MSRA: variants seen among roughly 807,000 people sequenced by gnomAD.
MSRA encodes the protein mitochondrial peptide methionine sulfoxide reductase.
In MSRA, 54 loss-of-function variants were observed where a neutral mutation model predicts 31.3. The observed-to-expected ratio is 1.73, with a 90% CI of 1.39 to 2.17. MSRA has a LOEUF of 2.17. Among genes scored for constraint, MSRA ranks in the 30% most tolerant of loss-of-function variants. The pLI is 0.00. For synonymous variants in MSRA, 169 were observed against 116.5 expected, an observed-to-expected ratio of 1.45 and a Z score of -2.90; for missense variants, 507 against 300.9, an observed-to-expected ratio of 1.69 and a Z score of -5.07.
intron 5 of MSRA, among the ~76,000 whole-genome samples, chr8:10,392,282 A>C (rs1806793994): frequency 1.3e-5 from 2 of 152,208 alleles, no homozygotes; most frequent in African/African-American, 2.4e-5. Context: ...GGCTTCCTTA[A>C]ACATTGAGCA....
chr8:10,158,178 A>T (rs1293680415), intron 1 of MSRA, among the ~76,000 whole-genome samples: 1 of 152,152 alleles, frequency 6.6e-6, no homozygotes, highest in Non-Finnish European at 1.5e-5. Flanking sequence ...AATAACCCCC[A>T]AGGCTCCACC....
intron 5 of MSRA, chr8:10,320,222 A>G (rs1339204556): frequency 6.2e-6 from 2 of 323,880 alleles, no homozygotes; most frequent in Non-Finnish European, 1.1e-5. Context: ...TAATCCCAGT[A>G]CTTTGGGGGG....
chr8:10,218,364 C>G lies in MSRA; in HGVS notation c.211+10463C>G, dbSNP rs1426543305. ...TTTCACCATGTTGCCAGGCTGGTGT[C>G]TAACTCCTGAACTCAGGCGATCCAC... On this transcript the variant is annotated intron_variant, in intron 2 of 5. Transcript: ENST00000317173. Among the ~76,000 whole-genome samples the G allele has an allele frequency of 2.6e-5, 4 of 151,960 alleles. No homozygotes were observed. In the East Asian group the frequency reaches 5.8e-4, roughly 22 times the overall value.
At chr8:10,164,562 A>G (rs1044310000) in intron 1 of MSRA, among the ~76,000 whole-genome samples, 1 of 152,246 alleles carries the variant, frequency 6.6e-6, no homozygotes, top group African/African-American at 2.4e-5. Flanking sequence ...AATGTCACAG[A>G]GAATGGGAAA....
In MSRA at chr8:10,162,056, A is replaced by G. The variant is rs77122534; in HGVS notation, c.143-45777A>G. Among the ~76,000 whole-genome samples the G allele has an allele frequency of 2.3e-3, 345 of 152,256 alleles. 2 individuals are homozygous for G. Among genetic ancestry groups the G allele is most frequent in the African/African-American group, 7.8e-3 (325 of 41,558 alleles). On this transcript the variant is annotated intron_variant, in intron 1 of 5. Coordinates refer to ENST00000317173, the MANE Select transcript of MSRA (RefSeq NM_012331.5). ...TCATGTCCTAGATTCTGTGAGACAC[A>G]GCCCGTGACACTTTGAAGCAGGGCC... is the stretch of plus-strand genomic sequence containing the variant.
chr8:10,330,275 C>A (rs1378561018), intron 5 of MSRA, among the ~76,000 whole-genome samples: 1 of 151,760 alleles, frequency 6.6e-6, no homozygotes, highest in Non-Finnish European at 1.5e-5. Flanking sequence ...GAAGCTGAGC[C>A]CCTTCAGTTT....
At chr8:10,069,021 G>A (rs968046388) in intron 1 of MSRA, among the ~76,000 whole-genome samples, 1 of 152,086 alleles carries the variant, frequency 6.6e-6, no homozygotes, top group Non-Finnish European at 1.5e-5. Flanking sequence ...AATATTTCGT[G>A]TTTTTTTGAT....
At chr8:10,364,202 A>C (rs1422559306) in intron 5 of MSRA, among the ~76,000 whole-genome samples, 1 of 152,042 alleles carries the variant, frequency 6.6e-6, no homozygotes, top group Non-Finnish European at 1.5e-5. Flanking sequence ...TAGTAACTGA[A>C]TTGTCCCTGC....
At chr8:10,118,428 T>C (rs1166948248) in intron 1 of MSRA, among the ~76,000 whole-genome samples, 1 of 152,148 alleles carries the variant, frequency 6.6e-6, no homozygotes, top group East Asian at 1.9e-4. Flanking sequence ...TCTGTACCTC[T>C]GTATCTGCTT....
chr8:10,113,292 C>CTTTTT (rs10665004), intron 1 of MSRA, among the ~76,000 whole-genome samples: 586 of 57,430 alleles, frequency 0.01, 63 homozygotes, highest in African/African-American at 0.041. Context: ...GACAGGTCTT[C>CTTTTT]TTTTTTTTTT....
chr8:10,290,545 G>A (rs1216266027), intron 3 of MSRA, among the ~76,000 whole-genome samples: 7 of 152,176 alleles, frequency 4.6e-5, no homozygotes, highest in African/African-American at 1.7e-4. Flanking sequence ...AAGCACCCAT[G>A]GGGCTTTGTG....
chr8:10,409,699 G>T (rs1324672822), intron 5 of MSRA, among the ~76,000 whole-genome samples: 3 of 152,200 alleles, frequency 2.0e-5, no homozygotes, highest in Non-Finnish European at 4.4e-5. Context: ...CAACATGCAC[G>T]TGCTTGTCCT....
chr8:10,138,312 G>C (rs2129029588), intron 1 of MSRA, among the ~76,000 whole-genome samples: 1 of 152,300 alleles, frequency 6.6e-6, no homozygotes, highest in South Asian at 2.1e-4. Context: ...AGAAAAGCTT[G>C]AAGATGGGAG....
chr8:10,082,557 T>A (rs749371959), intron 1 of MSRA, among the ~76,000 whole-genome samples: 14 of 152,186 alleles, frequency 9.2e-5, no homozygotes, highest in Admixed American at 2.6e-4. Flanking sequence ...AAGGGTCTCA[T>A]CTGTTACTTC....
At chr8:10,300,251 TTTTC>T (rs1342849344) in intron 3 of MSRA, among the ~76,000 whole-genome samples, 1 of 152,042 alleles carries the variant, frequency 6.6e-6, no homozygotes, top group Non-Finnish European at 1.5e-5. Context: ...GTATTTTCTT[TTTTC>T]TTTCTTTTTT....
At position 10,343,048 on chromosome 8, in the gene MSRA, C is replaced by CACAG. The variant is rs1554533291; in HGVS notation, c.543+23062_543+23063insGACA. ...ACACACACACACACACACACACACA[C>CACAG]ACACAGACACACACACACACACACA... On this transcript the variant is annotated intron_variant, in intron 5 of 5. Coordinates refer to ENST00000317173, the MANE Select transcript of MSRA (RefSeq NM_012331.5). 2.3e-3 allele frequency among the ~76,000 whole-genome samples: 172 copies of CACAG among 75,260 alleles called. 2 individuals are homozygous for CACAG. The highest frequency in any genetic ancestry group is 4.3e-3 in the South Asian group (8 of 1,850). 49.4% of individuals were successfully genotyped at this position (75,260 alleles called of 152,430 possible).
In MSRA at chr8:10,340,565, G is replaced by A. The variant is rs913281715; in HGVS notation, c.543+20576G>A. ...TTTTTGTATTTTTGGTAGAGACAGG[G>A]CCTCGCCATGTTGGCCAGGCTTGTT... is the stretch of plus-strand genomic sequence containing the variant. On this transcript the variant is annotated intron_variant, in intron 5 of 5. Coordinates refer to ENST00000317173, the MANE Select transcript of MSRA (RefSeq NM_012331.5). Among the ~76,000 whole-genome samples, 3 of 152,304 alleles carry A rather than the reference G, an allele frequency of 2.0e-5. No individual in the cohort carries two copies. In the South Asian group the frequency reaches 6.2e-4, roughly 32 times the overall value.
At chr8:10,161,195 C>A (rs1804611614) in intron 1 of MSRA, among the ~76,000 whole-genome samples, 1 of 152,160 alleles carries the variant, frequency 6.6e-6, no homozygotes, top group Non-Finnish European at 1.5e-5. Flanking sequence ...CAATGAGGGG[C>A]TGCCCAGCAA....
At chr8:10,101,466 A>G (rs555233154) in intron 1 of MSRA, among the ~76,000 whole-genome samples, 1 of 152,290 alleles carries the variant, frequency 6.6e-6, no homozygotes, top group East Asian at 1.9e-4. Flanking sequence ...ACCGTCATCA[A>G]GCCACAGAAG....
Sources: allele counts gnomAD v4.1 joint callset (sites outside exome capture counted in the v4.1 genomes callset), GRCh38; gene constraint gnomAD v4.1.1; transcripts MANE v1.5; gene names NCBI Gene and HGNC (gene_info 2026-07-23, HGNC 2026-07-21).